The following SNX14 variants were observed in gnomAD, a reference collection of about 807,000 sequenced individuals.
SNX14 encodes the protein sorting nexin-14.
In SNX14, 93 loss-of-function variants were observed where a neutral mutation model predicts 133.8. The ratio of observed to expected loss-of-function variants is 0.70; its 90% CI spans 0.59 to 0.83. SNX14 has a LOEUF of 0.83. SNX14 is among the 40% of genes least tolerant of loss of function. The probability of loss-of-function intolerance (pLI) is 0.00; values close to 1 mark genes in which losing one functional copy is unlikely to be tolerated. For synonymous variants in SNX14, 368 were observed against 365.6 expected, an observed-to-expected ratio of 1.01 and a Z score of -0.07; for missense variants, 945 against 1,094.9, an observed-to-expected ratio of 0.86 and a Z score of 1.93.
chr6:85,549,358 T>C (rs528551934), intron 8 of SNX14, among the ~76,000 whole-genome samples: 9 of 152,214 alleles, frequency 5.9e-5, no homozygotes, highest in African/African-American at 2.2e-4. Flanking sequence ...CATAAACTCA[T>C]CTATATAGTT....
At chr6:85,540,377 A>C (rs959378682) in intron 15 of SNX14, among the ~76,000 whole-genome samples, 7 of 152,224 alleles carry the variant, frequency 4.6e-5, no homozygotes, top group African/African-American at 1.7e-4. Flanking sequence ...TTATGTCTAT[A>C]AACAGGGATA....
intron 28 of SNX14, among the ~76,000 whole-genome samples, 165 bp from the exon 29 acceptor site, chr6:85,506,170 GAA>G (rs2127736291): frequency 6.6e-6 from 1 of 152,210 alleles, no homozygotes; most frequent in South Asian, 2.1e-4. Flanking sequence ...CTAGATATGA[GAA>G]AAAAGGCAAC....
intron 24 of SNX14, 47 bp downstream of exon 24, chr6:85,514,459 A>T (rs1197739264): frequency 6.3e-7 from 1 of 1,594,820 alleles, no homozygotes; most frequent in Non-Finnish European, 8.5e-7. Context: ...GCATCACAGA[A>T]GAAGTAAGAT....
At chr6:85,526,517 T>C (rs930205793) in intron 20 of SNX14, among the ~76,000 whole-genome samples, 6 of 152,158 alleles carry the variant, frequency 3.9e-5, no homozygotes, top group African/African-American at 1.2e-4. Context: ...TCCTAACTTA[T>C]AAAATGAGAA....
chr6:85,515,817 G>A (rs920159492), intron 23 of SNX14, among the ~76,000 whole-genome samples: 2 of 151,562 alleles, frequency 1.3e-5, no homozygotes, highest in African/African-American at 2.4e-5. Flanking sequence ...TCTGGAAAAC[G>A]GGAAAAACAA....
intron 18 of SNX14, among the ~76,000 whole-genome samples, 187 bp from the exon 19 acceptor site, chr6:85,530,462 T>A (rs571308469): frequency 2.4e-4 from 36 of 152,112 alleles, no homozygotes; most frequent in Admixed American, 2.3e-3. Flanking sequence ...CTTGCCAACA[T>A]GGTGAAATCC....
chr6:85,519,224 A>C (rs138595948), intron 21 of SNX14, among the ~76,000 whole-genome samples: 241 of 152,356 alleles, frequency 1.6e-3, no homozygotes, highest in Non-Finnish European at 2.1e-3. Context: ...TTTGACTCAA[A>C]TAAATGTATT....
chr6:85,513,162 A>G (rs1419858898), intron 26 of SNX14, among the ~76,000 whole-genome samples: 1 of 152,048 alleles, frequency 6.6e-6, no homozygotes, highest in African/African-American at 2.4e-5. Context: ...ACTAAGAATC[A>G]CCTGCTTTGA....
chr6:85,549,821 A>G lies in SNX14; in HGVS notation c.693T>C (p.His231=), dbSNP rs948775740. The part of the protein sequence containing the change: ...AALEEYGPEL[H]VALRSRRDEL... Reference sequence around the variant, plus strand: ...CATCTCTTCGACTTCTCAAAGCAACATGAAGCTCTGGACCATATTCTTCTA... The same window carrying G: ...CATCTCTTCGACTTCTCAAAGCAACGTGAAGCTCTGGACCATATTCTTCTA... Residue 231 remains histidine (H), a synonymous_variant, in exon 8 of 29, where the codon CAT becomes CAC. Coordinates refer to ENST00000314673, the MANE Select transcript of SNX14 (RefSeq NM_153816.6). 6.8e-6 allele frequency: 11 copies of G among 1,613,950 alleles called. No individual in the cohort carries two copies. Among genetic ancestry groups the G allele is most frequent in the Non-Finnish European group, 9.3e-6 (11 of 1,179,936 alleles).
At chr6:85,548,025 T>G (rs1786303684) in intron 9 of SNX14, among the ~76,000 whole-genome samples, 1 of 152,180 alleles carries the variant, frequency 6.6e-6, no homozygotes, top group Admixed American at 6.5e-5. Context: ...ATTCCACTTA[T>G]ATGTGGTACC....
At chr6:85,567,447 G>T in intron 5 of SNX14, 87 bp downstream of exon 5, 1 of 976,910 alleles carries the variant, frequency 1.0e-6, no homozygotes, top group Non-Finnish European at 1.5e-6. Flanking sequence ...AGAAATCCTG[G>T]TCTACATGAA....
intron 1 of SNX14, among the ~76,000 whole-genome samples, chr6:85,591,316 C>T (rs1393380646): frequency 3.3e-5 from 5 of 151,862 alleles, no homozygotes; most frequent in Admixed American, 2.6e-4. Flanking sequence ...CCATCTGGCA[C>T]CTTCCAAAAG....
intron 18 of SNX14, 74 bp downstream of exon 18, chr6:85,533,525 A>T (rs981621560): frequency 7.0e-7 from 1 of 1,422,564 alleles, no homozygotes; most frequent in African/African-American, 1.4e-5. Context: ...AAGTGGCAAA[A>T]TGTTTATCAT....
intron 7 of SNX14, among the ~76,000 whole-genome samples, chr6:85,553,724 T>C (rs1788638868): frequency 6.6e-6 from 1 of 150,876 alleles, no homozygotes; most frequent in Non-Finnish European, 1.5e-5. Flanking sequence ...AGGCGGAGCT[T>C]GCAGTGAGCC....
At chr6:85,537,518 AT>A (rs35887392) in intron 16 of SNX14, among the ~76,000 whole-genome samples, 14 of 152,292 alleles carry the variant, frequency 9.2e-5, no homozygotes, top group African/African-American at 2.6e-4. Context: ...TGGTTTTGCC[AT>A]TTTTTTAAGC....
In SNX14 at chr6:85,549,790, G is replaced by T. The variant is rs1471214519; in HGVS notation, c.724C>A (p.His242Asn). 6.2e-7 allele frequency: 1 copy of T among 1,613,902 alleles called. No individual in the cohort carries two copies. Among genetic ancestry groups the T allele is most frequent in the Non-Finnish European group, 8.5e-7 (1 of 1,179,890 alleles). ...AGTTCAGTAAGTTTCCTTAAATAGTGCAATTCATCTCTTCGACTTCTCAAA... is the reference window on the plus strand; with the variant it reads ...AGTTCAGTAAGTTTCCTTAAATAGTTCAATTCATCTCTTCGACTTCTCAAA... ...VALRSRRDEL[H>N]YLRKLTELLF... Residue 242 changes from histidine (H) to asparagine (N), a missense_variant, in exon 8 of 29, where the codon CAC (histidine) becomes AAC (asparagine). Physicochemically the swap from His to Asn is moderately conservative, Grantham distance 68 (BLOSUM62 1). This residue lies in a region of SNX14 where 514 missense variants were observed against 538.8 expected (regional missense o/e 0.95). Transcript: ENST00000314673.
intron 1 of SNX14, among the ~76,000 whole-genome samples, chr6:85,583,553 G>A (rs935258276): frequency 2.0e-5 from 3 of 152,196 alleles, no homozygotes; most frequent in Non-Finnish European, 4.4e-5. Context: ...CTTCAGCAAA[G>A]TCTCAGGATA....
intron 1 of SNX14, among the ~76,000 whole-genome samples, chr6:85,591,620 T>C (rs1435005504): frequency 6.6e-6 from 1 of 152,128 alleles, no homozygotes; most frequent in Non-Finnish European, 1.5e-5. Flanking sequence ...ACCTCAGAAA[T>C]CTAGTTTAAC....
chr6:85,517,982 A>G, intron 22 of SNX14, 26 bp downstream of exon 22: 1 of 1,597,066 alleles, frequency 6.3e-7, no homozygotes. Context: ...ATCATGTTAT[A>G]GAACACACAT....
Sources: gnomAD v4.1 joint callset for allele counts (sites outside exome capture counted in the v4.1 genomes callset) on GRCh38, gnomAD v4.1.1 for gene constraint, gnomAD v4.1.1 regional missense constraint, MANE v1.5 for transcripts, NCBI Gene and HGNC (gene_info 2026-07-23, HGNC 2026-07-21) for gene names.